PDE1C: variants seen among roughly 807,000 people sequenced by gnomAD.
PDE1C encodes phosphodiesterase 1C.
A neutral mutation model predicts 93.1 loss-of-function variants in PDE1C; 62 were observed. The ratio of observed to expected loss-of-function variants is 0.67; its 90% CI spans 0.54 to 0.82. The LOEUF is 0.82. PDE1C is among the 40% of genes least tolerant of loss of function. The pLI is 0.00. For synonymous variants in PDE1C, 325 were observed against 310.1 expected, an observed-to-expected ratio of 1.05 and a Z score of -0.50; for missense variants, 742 against 884.6, an observed-to-expected ratio of 0.84 and a Z score of 2.04.
chr7:32,420,226 TATATGTATATATATGTGTATATATATAC>T (rs1562716749), intron 1 of PDE1C, among the ~76,000 whole-genome samples: 2 of 32,172 alleles, frequency 6.2e-5, no homozygotes, highest in Non-Finnish European at 1.4e-4. Context: ...TATATACATA[TATATGTATATATATGTGTATATATATAC>T]ATGTGTATAT....
At chr7:32,209,889 A>G (rs1805876238) in intron 1 of PDE1C, among the ~76,000 whole-genome samples, 1 of 152,212 alleles carries the variant, frequency 6.6e-6, no homozygotes, top group African/African-American at 2.4e-5. Flanking sequence ...TGGCCCCAAG[A>G]GTCCTCTAAC....
chr7:32,067,795 A>AAT (rs752613988), intron 1 of PDE1C, among the ~76,000 whole-genome samples: 1 of 152,132 alleles, frequency 6.6e-6, no homozygotes, highest in Non-Finnish European at 1.5e-5. Context: ...AGCTGTCCTA[A>AAT]ATATATATTT....
chr7:32,315,888 G>A (rs938119930), intron 1 of PDE1C, among the ~76,000 whole-genome samples: 3 of 152,156 alleles, frequency 2.0e-5, no homozygotes, highest in Non-Finnish European at 2.9e-5. Flanking sequence ...CCAGGTGCTC[G>A]GGAGGCTAAG....
At chr7:31,619,154 G>T in the PDE1C span, among the ~76,000 whole-genome samples, 1 of 152,130 alleles carries the variant, frequency 6.6e-6, no homozygotes, top group Non-Finnish European at 1.5e-5. Flanking sequence ...AGCAGTTTTA[G>T]CTGCTCTTGC....
intron 3 of PDE1C, among the ~76,000 whole-genome samples, chr7:32,144,300 TC>T (rs1188202407): frequency 1.3e-5 from 2 of 152,122 alleles, no homozygotes; most frequent in Non-Finnish European, 2.9e-5. Flanking sequence ...GTAGGCATTT[TC>T]CCCAGGGTGC....
At chr7:32,341,173 C>CTATTTTTTAT (rs796122014) in intron 1 of PDE1C, among the ~76,000 whole-genome samples, 1 of 84,950 alleles carries the variant, frequency 1.2e-5, no homozygotes, top group Non-Finnish European at 2.1e-5. Flanking sequence ...GAAATAAAGT[C>CTATTTTTTAT]TTTTTTTTTT....
At chr7:32,340,521 C>T (rs1027332414) in intron 1 of PDE1C, among the ~76,000 whole-genome samples, 5 of 152,070 alleles carry the variant, frequency 3.3e-5, no homozygotes, top group African/African-American at 7.2e-5. Context: ...TTGAAACACA[C>T]GCGAAGGAAT....
chr7:32,126,430 G>C (rs1179240018), intron 3 of PDE1C, among the ~76,000 whole-genome samples: 1 of 152,074 alleles, frequency 6.6e-6, no homozygotes, highest in Admixed American at 6.6e-5. Context: ...CACTATAGCT[G>C]TCACTCATAA....
At chr7:32,160,506 C>T (rs756255611) in intron 3 of PDE1C, among the ~76,000 whole-genome samples, 1 of 152,124 alleles carries the variant, frequency 6.6e-6, no homozygotes, top group Non-Finnish European at 1.5e-5. Context: ...TAAGAATAAA[C>T]CCTCTATCCT....
At chr7:32,076,107 A>T (rs1584709812), upstream of PDE1C, among the ~76,000 whole-genome samples, 1 of 152,286 alleles carries the variant, frequency 6.6e-6, no homozygotes, top group Non-Finnish European at 1.5e-5. Context: ...GCCAGATTTG[A>T]CTATAATAGA....
the PDE1C span, among the ~76,000 whole-genome samples, chr7:31,724,765 C>CAAAATACCTTTCCTCTTGGCCTCTGGA: frequency 6.6e-6 from 1 of 152,158 alleles, no homozygotes; most frequent in East Asian, 1.9e-4. Flanking sequence ...CAGCTTTCTC[C>CAAAATACCTTTCCTCTTGGCCTCTGGA]AAAATACCTT....
chr7:32,100,043 G>A (rs139623273), intron 3 of PDE1C, among the ~76,000 whole-genome samples: 254 of 152,192 alleles, frequency 1.7e-3, no homozygotes, highest in Non-Finnish European at 2.8e-3. Flanking sequence ...GCATTTTTTG[G>A]TAATATGCTT....
chr7:32,191,540 C>CG (rs1450555427), intron 2 of PDE1C, among the ~76,000 whole-genome samples: 1 of 147,508 alleles, frequency 6.8e-6, no homozygotes, highest in African/African-American at 2.6e-5. Context: ...AAGAGTCATC[C>CG]AGGTTGTTGC....
At chr7:31,713,854 C>T in the PDE1C span, among the ~76,000 whole-genome samples, 23 of 152,304 alleles carry the variant, frequency 1.5e-4, no homozygotes, top group African/African-American at 5.3e-4. Flanking sequence ...TGCAGAGCAC[C>T]AAGTCCCTAG....
chr7:32,197,052 T>A (rs761966209), intron 2 of PDE1C, among the ~76,000 whole-genome samples: 1 of 152,202 alleles, frequency 6.6e-6, no homozygotes, highest in Admixed American at 6.5e-5. Flanking sequence ...GGTTAATAAA[T>A]AAGTTTGGCA....
chr7:31,985,017 A>G (rs1485826874), intron 2 of PDE1C, among the ~76,000 whole-genome samples: 2 of 152,180 alleles, frequency 1.3e-5, no homozygotes, highest in African/African-American at 4.8e-5. Context: ...TCCTCAAAGT[A>G]AAAGAGAGCA....
intron 1 of PDE1C, among the ~76,000 whole-genome samples, chr7:32,377,493 A>G (rs1784453078): frequency 6.6e-6 from 1 of 152,180 alleles, no homozygotes; most frequent in Non-Finnish European, 1.5e-5. Context: ...TTTTTGGCGT[A>G]TCTCTTTATA....
At chr7:31,829,596 G>T (rs188746035) in intron 11 of PDE1C, among the ~76,000 whole-genome samples, 32 of 152,240 alleles carry the variant, frequency 2.1e-4, no homozygotes, top group African/African-American at 7.7e-4. Context: ...ACGGAAAAGG[G>T]GTGTGTGTCT....
chr7:31,676,196 C>G, the PDE1C span, among the ~76,000 whole-genome samples: 1 of 152,090 alleles, frequency 6.6e-6, no homozygotes, highest in Non-Finnish European at 1.5e-5. Context: ...AATAGTGGGA[C>G]TAGATAATGT....
Sources: gnomAD v4.1 joint callset for allele counts (sites outside exome capture counted in the v4.1 genomes callset) on GRCh38, gnomAD v4.1.1 for gene constraint, MANE v1.5 for transcripts, NCBI Gene and HGNC (gene_info 2026-07-23, HGNC 2026-07-21) for gene names.